Variants in TMEM135 observed in about 807,000 individuals in gnomAD.
TMEM135 encodes transmembrane protein 135.
In TMEM135, 30 loss-of-function variants were observed where a neutral mutation model predicts 60.3. That is an observed-to-expected ratio of 0.50 (90% CI 0.37 to 0.68). The LOEUF is 0.68. Among genes scored for constraint, TMEM135 ranks in the 30% least tolerant of loss-of-function variants. The pLI is 0.00. For synonymous variants in TMEM135, 190 were observed against 186.7 expected (o/e 1.02, Z -0.14); for missense variants, 468 against 548.8 (o/e 0.85, Z 1.47).
At chr11:87,042,559 G>T (rs1028681508) in intron 1 of TMEM135, among the ~76,000 whole-genome samples, 9 of 152,130 alleles carry the variant, frequency 5.9e-5, no homozygotes, top group Non-Finnish European at 1.0e-4. Context: ...GCAGGAGAAG[G>T]TCAGAAAAAA....
intron 1 of TMEM135, among the ~76,000 whole-genome samples, chr11:87,055,885 C>T (rs1489104688): frequency 6.6e-6 from 1 of 152,148 alleles, no homozygotes; most frequent in Non-Finnish European, 1.5e-5. Flanking sequence ...AGAGAGGGTT[C>T]TTGGATTTTG....
intron 6 of TMEM135, among the ~76,000 whole-genome samples, chr11:87,276,504 TTA>T (rs143131982): frequency 0.36 from 53,847 of 148,712 alleles, 10,307 homozygotes; most frequent in Non-Finnish European, 0.43. Context: ...TATCAAAAGT[TTA>T]TATATATATA....
chr11:87,193,880 A>C (rs541226839), intron 5 of TMEM135, among the ~76,000 whole-genome samples: 1 of 151,724 alleles, frequency 6.6e-6, no homozygotes, highest in Admixed American at 6.6e-5. Context: ...CAGTAGATAC[A>C]CAATACATTT....
chr11:87,114,128 A>T (rs150983968), intron 4 of TMEM135, among the ~76,000 whole-genome samples: 11 of 152,148 alleles, frequency 7.2e-5, no homozygotes, highest in African/African-American at 1.2e-4. Flanking sequence ...CTGAGAGTTT[A>T]CCTCTCATCT....
intron 1 of TMEM135, among the ~76,000 whole-genome samples, chr11:87,044,361 A>G (rs1421493886): frequency 1.3e-5 from 2 of 152,160 alleles, no homozygotes; most frequent in Non-Finnish European, 2.9e-5. Flanking sequence ...AAGACCAGCA[A>G]TGAGACTAAA....
chr11:87,123,840 T>C (rs1263913621), intron 4 of TMEM135, among the ~76,000 whole-genome samples: 2 of 152,230 alleles, frequency 1.3e-5, no homozygotes, highest in East Asian at 3.8e-4. Flanking sequence ...TCTTTTCTCT[T>C]GTTTATTCTT....
intron 6 of TMEM135, among the ~76,000 whole-genome samples, chr11:87,283,256 C>T (rs897651334): frequency 6.6e-6 from 1 of 151,650 alleles, no homozygotes. Context: ...ATTGTTTGAA[C>T]CCGGAGGTGG....
intron 14 of TMEM135, among the ~76,000 whole-genome samples, chr11:87,320,526 G>C (rs572147934): frequency 6.6e-6 from 1 of 152,176 alleles, no homozygotes; most frequent in Non-Finnish European, 1.5e-5. Flanking sequence ...ATTTCATTCA[G>C]CTGTTTTCTC....
intron 5 of TMEM135, among the ~76,000 whole-genome samples, chr11:87,195,599 G>C (rs60619624): frequency 0.066 from 9,969 of 151,928 alleles, 352 homozygotes; most frequent in African/African-American, 0.086. Context: ...TAGTAAAGAC[G>C]GGGTTTCTCC....
chr11:87,153,374 G>A (rs565938), intron 4 of TMEM135, among the ~76,000 whole-genome samples: 80,926 of 151,862 alleles, frequency 0.53, 22,526 homozygotes, highest in East Asian at 0.73. Context: ...CTTTCCTCCA[G>A]TTTTCAAATT....
intron 5 of TMEM135, among the ~76,000 whole-genome samples, chr11:87,229,450 G>A (rs576101478): frequency 1.3e-5 from 2 of 152,224 alleles, no homozygotes; most frequent in African/African-American, 4.8e-5. Flanking sequence ...AAAACAGTTT[G>A]ATAAAACACA....
intron 1 of TMEM135, among the ~76,000 whole-genome samples, chr11:87,053,962 A>G: frequency 6.6e-6 from 1 of 152,196 alleles, no homozygotes; most frequent in East Asian, 1.9e-4. Context: ...GATACTAGGA[A>G]TATAGTTAAT....
rs905373589 is a variant in TMEM135, at chr11:87,138,338, G to A, written c.397-19003G>A. Among the ~76,000 whole-genome samples the A allele has an allele frequency of 3.3e-5, 5 of 152,194 alleles. No homozygotes were observed. The South Asian group carries it at 6.2e-4, about 19-fold the overall frequency. ...GCTCGTGACCTCAGGTGATCCGCCC[G>A]CCTTGGCCTCCCAAAGCGCTGGGAT... On this transcript the variant is annotated intron_variant, in intron 4 of 14. Coordinates refer to ENST00000305494, the MANE Select transcript of TMEM135 (RefSeq NM_022918.4).
At chr11:87,040,452 C>T (rs1461770344) in intron 1 of TMEM135, among the ~76,000 whole-genome samples, 2 of 151,956 alleles carry the variant, frequency 1.3e-5, no homozygotes, top group African/African-American at 2.4e-5. Flanking sequence ...TGAGGTCAGG[C>T]GTTCGAGACC....
chr11:87,215,490 G>A (rs1489694156), intron 5 of TMEM135, among the ~76,000 whole-genome samples: 2 of 152,150 alleles, frequency 1.3e-5, no homozygotes, highest in Non-Finnish European at 2.9e-5. Flanking sequence ...CTGTTAAGTT[G>A]GTCATCGGCT....
chr11:87,201,587 C>T (rs776828034), intron 5 of TMEM135, among the ~76,000 whole-genome samples: 9 of 152,098 alleles, frequency 5.9e-5, no homozygotes, highest in Non-Finnish European at 8.8e-5. Flanking sequence ...ATTTTTAAGA[C>T]GCCTGCTGGT....
At position 87,246,721 on chromosome 11, in the gene TMEM135, C is replaced by G. The variant is rs921749383; in HGVS notation, c.509+10037C>G. 2.9e-5 allele frequency among the ~76,000 whole-genome samples: 4 copies of G among 137,554 alleles called. 1 individual carries two copies. The highest frequency in any genetic ancestry group is 6.3e-5 in the Non-Finnish European group (4 of 63,100). The allele number at this position is 137,554 out of a possible 152,430, so 90.2% of individuals were successfully genotyped here. A position where few individuals can be genotyped will look rare whatever the true frequency, so the allele number is the denominator to read the frequency against. On this transcript the variant is annotated intron_variant, in intron 6 of 14. Coordinates refer to ENST00000305494, the MANE Select transcript of TMEM135 (RefSeq NM_022918.4). ...GCTCCATCAGCTCCTTTAAGCACTTCTCTGTATTGGTTATGCTAGTTATAC... is the reference window on the plus strand; with the variant it reads ...GCTCCATCAGCTCCTTTAAGCACTTGTCTGTATTGGTTATGCTAGTTATAC...
intron 1 of TMEM135, among the ~76,000 whole-genome samples, chr11:87,066,724 T>C (rs985280185): frequency 6.6e-6 from 1 of 151,934 alleles, no homozygotes; most frequent in African/African-American, 2.4e-5. Flanking sequence ...TTGGGACTTA[T>C]TCGTGTTTCT....
In TMEM135 at chr11:87,271,597, A is replaced by G. The variant is rs534592676; in HGVS notation, c.510-24185A>G. On this transcript the variant is annotated intron_variant, in intron 6 of 14. Transcript: ENST00000305494. The stretch of plus-strand genomic sequence containing the variant: ...AATATTTTATATTGATTATTTGTTT[A>G]CATGATAATATCTTGGATATATTGG... 1.4e-3 allele frequency among the ~76,000 whole-genome samples: 213 copies of G among 152,256 alleles called. 1 individual carries two copies. Among genetic ancestry groups the G allele is most frequent in the African/African-American group, 4.9e-3 (202 of 41,548 alleles).
Sources: gnomAD v4.1 joint callset for allele counts (sites outside exome capture counted in the v4.1 genomes callset) on GRCh38, gnomAD v4.1.1 for gene constraint, MANE v1.5 for transcripts, NCBI Gene and HGNC (gene_info 2026-07-23, HGNC 2026-07-21) for gene names.